The following UCHL5 variants were observed in gnomAD, a reference collection of about 807,000 sequenced individuals.
UCHL5 encodes the protein ubiquitin C-terminal hydrolase L5, also known as ubiquitin carboxyl-terminal hydrolase isozyme L5.
A neutral mutation model predicts 53.8 loss-of-function variants in UCHL5; 34 were observed. The ratio of observed to expected loss-of-function variants is 0.63; its 90% confidence interval spans 0.48 to 0.84. The LOEUF is 0.84. Among genes scored for constraint, UCHL5 ranks in the 40% least tolerant of loss-of-function variants. UCHL5 has a pLI of 0.00. For synonymous variants in UCHL5, 111 were observed against 126.3 expected (o/e 0.88, Z 0.81); for missense variants, 290 against 385.6 (o/e 0.75, Z 2.08).
intron 7 of UCHL5, among the ~76,000 whole-genome samples, chr1:193,027,183 C>T (rs142572558): frequency 0.012 from 1,761 of 152,234 alleles, 15 homozygotes; most frequent in South Asian, 0.034. Flanking sequence ...TGCCAGTATC[C>T]TGGCTGTGAT....
upstream of UCHL5, chr1:193,059,659 G>A (rs574106821): frequency 4.4e-6 from 6 of 1,378,252 alleles, no homozygotes; most frequent in Admixed American, 7.8e-5. This position sits in a 1 kb window ranked among gnomAD's most constrained non-coding sequence, Gnocchi z 4.9. Context: ...CAGTGGGGCT[G>A]TTGCTGTTGC....
intron 9 of UCHL5, 79 bp downstream of exon 9, chr1:193,022,847 C>T: frequency 1.1e-6 from 1 of 940,512 alleles, no homozygotes; most frequent in Non-Finnish European, 1.7e-6. Flanking sequence ...GGAAAGCCAT[C>T]AGATATTCAA....
chr1:193,039,669 A>G (rs1558103195), intron 3 of UCHL5, among the ~76,000 whole-genome samples: 1 of 152,192 alleles, frequency 6.6e-6, no homozygotes, highest in Non-Finnish European at 1.5e-5. Context: ...TACGGAACAC[A>G]AAAGACCCGA....
chr1:193,059,570 C>T (rs995071591), upstream of UCHL5: 2 of 1,505,810 alleles, frequency 1.3e-6, no homozygotes, highest in African/African-American at 2.8e-5. This position sits in a 1 kb window ranked among gnomAD's most constrained non-coding sequence, Gnocchi z 4.9. Context: ...CCGGGATCCT[C>T]GCCCCTCTGG....
intron 3 of UCHL5, 129 bp from the exon 4 acceptor site, chr1:193,029,786 A>T: frequency 1.3e-6 from 1 of 746,116 alleles, no homozygotes; most frequent in Non-Finnish European, 2.0e-6. Flanking sequence ...CATAAACAGA[A>T]TAAATATGTT....
chr1:193,017,233 A>G (rs1655162518), intron 10 of UCHL5, among the ~76,000 whole-genome samples: 1 of 151,810 alleles, frequency 6.6e-6, no homozygotes, highest in Admixed American at 6.6e-5. Flanking sequence ...TTAGAGTACT[A>G]CAATGCAATA....
intron 3 of UCHL5, among the ~76,000 whole-genome samples, chr1:193,040,387 T>C (rs553191252): frequency 1.2e-3 from 187 of 152,132 alleles, no homozygotes; most frequent in Middle Eastern, 3.4e-3. Context: ...AACAGGTATA[T>C]AAAAAAATAC....
At position 193,037,233 on chromosome 1, in the gene UCHL5, G is replaced by T. The variant is rs148294055; in HGVS notation, c.247-7576C>A. On this transcript the variant is annotated intron_variant, in intron 3 of 10. Coordinates refer to ENST00000367454, the MANE Select transcript of UCHL5 (RefSeq NM_001199261.3). ...ATCTTCAGGAAAGGTAAACAAAATTGACAAACCTTTACCCAGGCTAAGAAA... is the reference window on the plus strand; with the variant it reads ...ATCTTCAGGAAAGGTAAACAAAATTTACAAACCTTTACCCAGGCTAAGAAA... Among the ~76,000 whole-genome samples, 17 of 151,566 alleles carry T rather than the reference G, an allele frequency of 1.1e-4. No homozygotes were observed. The East Asian group carries it at 3.3e-3, about 29-fold the overall frequency.
At chr1:193,046,790 TTTA>T (rs1667477789) in intron 3 of UCHL5, among the ~76,000 whole-genome samples, 1 of 150,530 alleles carries the variant, frequency 6.6e-6, no homozygotes, top group Non-Finnish European at 1.5e-5. Context: ...TTAACTAATA[TTTA>T]TTATGTGTTG....
chr1:193,037,801 T>G (rs943989873), intron 3 of UCHL5, among the ~76,000 whole-genome samples: 1 of 149,064 alleles, frequency 6.7e-6, no homozygotes, highest in African/African-American at 2.5e-5. Flanking sequence ...ATTTACCTAA[T>G]GGGTGCAGCA....
At chr1:193,059,789 C>G, upstream of UCHL5, 4 of 1,356,098 alleles carry the variant, frequency 2.9e-6, no homozygotes, top group Non-Finnish European at 3.9e-6. This position sits in a 1 kb window ranked among gnomAD's most constrained non-coding sequence, Gnocchi z 4.9. Flanking sequence ...GAGGACATTG[C>G]GGGAGGCCGG....
intron 3 of UCHL5, among the ~76,000 whole-genome samples, chr1:193,048,304 TA>T (rs1207806119): frequency 1.3e-5 from 2 of 152,210 alleles, no homozygotes; most frequent in Non-Finnish European, 2.9e-5. Context: ...AGTGAAAATT[TA>T]AAAATTAGAA....
intron 7 of UCHL5, among the ~76,000 whole-genome samples, chr1:193,027,003 A>G (rs367974999): frequency 1.3e-5 from 2 of 152,242 alleles, no homozygotes; most frequent in African/African-American, 2.4e-5. Context: ...AAAAGGCTAC[A>G]TATTGTAAAA....
chr1:193,030,911 A>G (rs1571618418), intron 3 of UCHL5, among the ~76,000 whole-genome samples: 1 of 152,264 alleles, frequency 6.6e-6, no homozygotes, highest in African/African-American at 2.4e-5. Context: ...TCTCCATTAC[A>G]GAATAGTCTC....
chr1:193,027,949 C>T, intron 7 of UCHL5, 136 bp downstream of exon 7: 1 of 1,484,728 alleles, frequency 6.7e-7, no homozygotes. Context: ...ATGGTGAAAA[C>T]CCGTCTCTAC....
At chr1:193,048,023 A>G (rs1371495853) in intron 3 of UCHL5, among the ~76,000 whole-genome samples, 1 of 152,188 alleles carries the variant, frequency 6.6e-6, no homozygotes, top group Non-Finnish European at 1.5e-5. Context: ...TGTGGAATGA[A>G]ATAGGAAGTA....
intron 8 of UCHL5, 42 bp downstream of exon 8, chr1:193,023,802 T>C: frequency 6.9e-7 from 1 of 1,446,334 alleles, no homozygotes. Context: ...CCTGAGAGAA[T>C]AACCAAGCTA....
intron 3 of UCHL5, among the ~76,000 whole-genome samples, chr1:193,032,106 T>C (rs1661659675): frequency 6.6e-6 from 1 of 152,156 alleles, no homozygotes. Flanking sequence ...AATTCACACA[T>C]TCATGATGAC....
rs771715311 is a variant in UCHL5, at chr1:193,051,787, C to T, written c.107G>A (p.Trp36Ter). Residue 36 changes from tryptophan (W) to a stop codon, truncating the protein, a stop_gained, in exon 2 of 11, where the codon TGG (tryptophan) becomes TAG (stop). Transcript: ENST00000367454. LOFTEE classifies it high-confidence loss of function. ...TTCAAAATTCTCAGGCTCTAAACTCCATATTTCTTCTACTTGGGCTCCTCG... is the reference window on the plus strand; with the variant it reads ...TTCAAAATTCTCAGGCTCTAAACTCTATATTTCTTCTACTTGGGCTCCTCG... ...GCRGAQVEEIWSLEPENFEKL... is the reference protein window; with the variant it reads ...GCRGAQVEEI 1 of 1,600,328 alleles carries T rather than the reference C, an allele frequency of 6.2e-7. No individual in the cohort carries two copies. Among genetic ancestry groups the T allele is most frequent in the East Asian group, 2.2e-5 (1 of 44,472 alleles).
Sources: gnomAD v4.1 joint callset for allele counts (sites outside exome capture counted in the v4.1 genomes callset) on GRCh38, gnomAD v4.1.1 for gene constraint, Gnocchi (gnomAD v3.1) non-coding constraint, MANE v1.5 for transcripts, NCBI Gene and HGNC (gene_info 2026-07-23, HGNC 2026-07-21) for gene names.